The following SORL1 variants were observed in gnomAD, a reference collection of about 807,000 sequenced individuals.
SORL1 encodes the protein sortilin related receptor 1, also known as sortilin-related receptor.
Under a neutral mutation model 273.7 loss-of-function variants are expected in SORL1, and 127 were observed. The observed-to-expected ratio is 0.46, with a 90% CI of 0.40 to 0.54. SORL1 has a LOEUF of 0.54. SORL1 is among the 20% of genes least tolerant of loss of function. The probability of loss-of-function intolerance (pLI) is 0.00; values close to 1 mark genes in which losing one functional copy is unlikely to be tolerated. For missense variants in SORL1, 2,494 were observed against 2,846.1 expected, an observed-to-expected ratio of 0.88 and a Z score of 2.81; for synonymous variants, 1,031 against 1,067.4, an observed-to-expected ratio of 0.97 and a Z score of 0.66.
intron 31 of SORL1, among the ~76,000 whole-genome samples, 195 bp downstream of exon 31, chr11:121,591,351 T>C (rs1156954617): frequency 1.3e-5 from 2 of 152,230 alleles, no homozygotes; most frequent in East Asian, 3.8e-4. Context: ...GGATCATAGA[T>C]GCATAGGAAA....
At position 121,589,389 on chromosome 11, in the gene SORL1, C is replaced by T. The variant is rs145806727; in HGVS notation, c.4077C>T (p.Cys1359=). ...DCGDYSDEAN[C]ENPTEAPNCS... is the part of the protein sequence containing the mutation. ...GCGATTATTCTGATGAAGCCAACTGCGGTAAGATGTCCAGTCTGCCTCCTC... is the reference window on the plus strand; with the variant it reads ...GCGATTATTCTGATGAAGCCAACTGTGGTAAGATGTCCAGTCTGCCTCCTC... Residue 1359 remains cysteine, a splice_region_variant and synonymous_variant, in exon 29 of 48, where the codon TGC becomes TGT. Coordinates refer to ENST00000260197, the MANE Select transcript of SORL1 (RefSeq NM_003105.6). 277 of 1,612,740 alleles carry T rather than the reference C, an allele frequency of 1.7e-4. No individual in the cohort carries two copies. Among genetic ancestry groups the T allele is most frequent in the Middle Eastern group, 9.9e-4 (6 of 6,072 alleles).
At position 121,583,435 on chromosome 11, in the gene SORL1, T is replaced by C. The variant is rs148278803; in HGVS notation, c.3581-23T>C. The stretch of plus-strand genomic sequence containing the variant: ...GGGATGGAGATGAGGGGTGTGCGAC[T>C]GTGTCTCTCTTCTCTGTTACAGCCA... On this transcript the variant is annotated intron_variant, in intron 25 of 47. Transcript: ENST00000260197. 206 of 1,604,432 alleles carry C rather than the reference T, an allele frequency of 1.3e-4. No individual in the cohort carries two copies. In the East Asian group the frequency reaches 4.6e-3, roughly 36 times the overall value.
chr11:121,597,218 C>T (rs531162400), intron 32 of SORL1, among the ~76,000 whole-genome samples: 1 of 152,330 alleles, frequency 6.6e-6, no homozygotes, highest in East Asian at 1.9e-4. Flanking sequence ...GCCGTCCCTT[C>T]TCTGTCTGTA....
At chr11:121,626,904 T>C (rs1863802959) in intron 46 of SORL1, 1 of 152,756 alleles carries the variant, frequency 6.5e-6, no homozygotes, top group South Asian at 2.1e-4. Context: ...AGAGCCTGTT[T>C]GTTTAAGTCA....
intron 12 of SORL1, among the ~76,000 whole-genome samples, chr11:121,539,783 G>A (rs1172303354): frequency 6.6e-6 from 1 of 151,944 alleles, no homozygotes; most frequent in Non-Finnish European, 1.5e-5. Flanking sequence ...ACTGGGTGAT[G>A]GTTTTCATAA....
chr11:121,518,527 A>T (rs181310459), intron 8 of SORL1, among the ~76,000 whole-genome samples: 175 of 152,314 alleles, frequency 1.1e-3, no homozygotes, highest in African/African-American at 4.2e-3. Flanking sequence ...CCAGATATCT[A>T]GAAGAAGCCC....
At chr11:121,539,054 T>A (rs1259822370) in intron 12 of SORL1, among the ~76,000 whole-genome samples, 1 of 152,218 alleles carries the variant, frequency 6.6e-6, no homozygotes, top group African/African-American at 2.4e-5. Flanking sequence ...CAGATCCCTA[T>A]CCAGATCATT....
At chr11:121,532,712 G>T (rs1478600181) in intron 12 of SORL1, among the ~76,000 whole-genome samples, 160 bp downstream of exon 12, 1 of 148,988 alleles carries the variant, frequency 6.7e-6, no homozygotes. Context: ...TTGAGATGGA[G>T]TCTTGCTCTC....
rs537399660 is a variant in SORL1, at chr11:121,589,496, C to T, written c.4078+106C>T. ...AACCCCACTGCAGACTTGGCCTTCC[C>T]GTAACTCAGCAGCAGTTGCTGCCAG... On this transcript the variant is annotated intron_variant, in intron 29 of 47. Coordinates refer to ENST00000260197, the MANE Select transcript of SORL1 (RefSeq NM_003105.6). The T allele has an allele frequency of 3.4e-5, 47 of 1,385,366 alleles. No individual in the cohort carries two copies. In the South Asian group the frequency reaches 4.3e-4, roughly 13 times the overall value. 85.8% of individuals were successfully genotyped at this position (1,385,366 alleles called of 1,614,324 possible). A position where few individuals can be genotyped will look rare whatever the true frequency, so the allele number is the denominator to read the frequency against.
At chr11:121,543,990 A>G (rs1862386451) in intron 13 of SORL1, among the ~76,000 whole-genome samples, 1 of 152,194 alleles carries the variant, frequency 6.6e-6, no homozygotes. Context: ...TCTGCTGAAT[A>G]TGTAGATAAA....
intron 25 of SORL1, among the ~76,000 whole-genome samples, chr11:121,581,295 C>T (rs904921347): frequency 2.0e-5 from 3 of 152,348 alleles, no homozygotes; most frequent in Non-Finnish European, 2.9e-5. Context: ...TTCTACTCTG[C>T]TCATGTTTGG....
At chr11:121,587,942 G>A (rs1385136630) in intron 27 of SORL1, 78 bp from the exon 28 acceptor site, 23 of 1,566,584 alleles carry the variant, frequency 1.5e-5, no homozygotes, top group Non-Finnish European at 1.8e-5. Flanking sequence ...ATCTGTACTC[G>A]TGTGCACTTG....
intron 24 of SORL1, chr11:121,576,674 C>A: frequency 1.7e-6 from 2 of 1,185,044 alleles, no homozygotes; most frequent in Non-Finnish European, 2.3e-6. Context: ...CCTTCCCCTT[C>A]TTGGTCAAGC....
At chr11:121,552,548 C>T (rs982311444) in intron 16 of SORL1, among the ~76,000 whole-genome samples, 2 of 152,140 alleles carry the variant, frequency 1.3e-5, no homozygotes, top group Non-Finnish European at 2.9e-5. Context: ...CTTTCATGTC[C>T]CTATACCTTA....
At chr11:121,611,191 G>A in intron 39 of SORL1, 33 bp downstream of exon 39, 1 of 1,407,570 alleles carries the variant, frequency 7.1e-7, no homozygotes, top group African/African-American at 1.4e-5. Context: ...GCAGCTGGAT[G>A]GGGCTTTATT....
intron 1 of SORL1, among the ~76,000 whole-genome samples, chr11:121,464,832 G>A (rs1302772635): frequency 1.3e-5 from 2 of 152,152 alleles, no homozygotes; most frequent in Admixed American, 6.5e-5. Context: ...TGAAGGATTG[G>A]TTTGGCCAGA....
chr11:121,621,113 A>G lies in SORL1; in HGVS notation c.5939A>G (p.Tyr1980Cys). ...KDLIRKTDRS[Y>C]KVKSRNSTVE... ...CTCATAAGAAAGACTGACAGGAGCT[A>G]CAAAGTAAAATCCCGTAACAGCACT... The change falls in exon 44 of 48, where the codon TAC (tyrosine) becomes TGC (cysteine). Residue 1980 changes from tyrosine (Y) to cysteine (C), a missense_variant. By Grantham distance (194) the Tyr-to-Cys change is radical. This residue lies in a region of SORL1 where 1,609 missense variants were observed against 1,816.4 expected (regional missense o/e 0.89). Coordinates refer to ENST00000260197, the MANE Select transcript of SORL1 (RefSeq NM_003105.6). 6.2e-7 allele frequency: 1 copy of G among 1,613,906 alleles called. No individual in the cohort carries two copies. The highest frequency in any genetic ancestry group is 8.5e-7 in the Non-Finnish European group (1 of 1,179,772).
intron 16 of SORL1, among the ~76,000 whole-genome samples, chr11:121,551,045 T>C (rs1862501155): frequency 6.6e-6 from 1 of 152,250 alleles, no homozygotes; most frequent in African/African-American, 2.4e-5. Context: ...AGTAGCTAAG[T>C]AGTCTATGTT....
rs372129198 is a variant in SORL1 at position 121,538,894 on chromosome 11, G to A, written c.1686-4654G>A. On this transcript the variant is annotated intron_variant, in intron 12 of 47. Coordinates refer to ENST00000260197, the MANE Select transcript of SORL1 (RefSeq NM_003105.6). Reference sequence around the variant, plus strand: ...GGGTTTCACCTTGTTGGTCAGGCTGGTCTCGATTTCTTGACCTTGTGACCC... The same window carrying A: ...GGGTTTCACCTTGTTGGTCAGGCTGATCTCGATTTCTTGACCTTGTGACCC... 3.4e-4 allele frequency among the ~76,000 whole-genome samples: 52 copies of A among 152,204 alleles called. 1 individual carries two copies. Among genetic ancestry groups the A allele is most frequent in the African/African-American group, 1.1e-3 (47 of 41,544 alleles).
Sources: gnomAD v4.1 joint callset for allele counts (sites outside exome capture counted in the v4.1 genomes callset) on GRCh38, gnomAD v4.1.1 for gene constraint, gnomAD v4.1.1 regional missense constraint, MANE v1.5 for transcripts, NCBI Gene and HGNC (gene_info 2026-07-23, HGNC 2026-07-21) for gene names.